TTC13: variants seen among roughly 807,000 people sequenced by gnomAD.
TTC13 encodes tetratricopeptide repeat domain 13.
TTC13 carries 62 observed loss-of-function variants against 120.0 expected under a neutral mutation model. The observed-to-expected ratio is 0.52, with a 90% CI of 0.42 to 0.64. The LOEUF is 0.64. TTC13 is among the 30% of genes least tolerant of loss of function. TTC13 has a pLI of 0.00. For synonymous variants in TTC13, 384 were observed against 393.5 expected, an observed-to-expected ratio of 0.98 and a Z score of 0.28; for missense variants, 824 against 1,050.2, an observed-to-expected ratio of 0.78 and a Z score of 2.98.
Position 230,906,795 on chromosome 1 carries a change from T to C in TTC13, c.*110A>G, listed in dbSNP as rs542111329. On this transcript the variant is annotated 3_prime_UTR_variant, in exon 23 of 23. Coordinates refer to ENST00000366661, the MANE Select transcript of TTC13 (RefSeq NM_024525.5). ...TTCAAGTATTCAATTCCTATAAAAA[T>C]TGGTATCAAAAGTAATAGAGGACCT... 13 of 437,550 alleles carry C rather than the reference T, an allele frequency of 3.0e-5. No individual in the cohort carries two copies. Among genetic ancestry groups the C allele is most frequent in the African/African-American group, 2.7e-4 (13 of 48,886 alleles). The allele number at this position is 437,550 out of a possible 1,614,324, so 27.1% of individuals were successfully genotyped here.
chr1:230,931,452 T>C lies in TTC13; in HGVS notation c.1146A>G (p.Pro382=). Residue 382 remains proline, a synonymous_variant, in exon 11 of 23, where the codon CCA becomes CCG. Transcript: ENST00000366661. ...KNFKRCLQLE[P]YNEVCQYMKG... is the part of the protein sequence containing the mutation. ...TCATATACTGGCACACTTCATTATA[T>C]GGCTCTAGCTGCAGACACCGCTGAG... The C allele has an allele frequency of 6.2e-7, 1 of 1,614,188 alleles. No homozygotes were observed. Among genetic ancestry groups the C allele is most frequent in the Non-Finnish European group, 8.5e-7 (1 of 1,180,042 alleles).
At chr1:230,971,066 C>A in intron 1 of TTC13, among the ~76,000 whole-genome samples, 1 of 152,124 alleles carries the variant, frequency 6.6e-6, no homozygotes, top group African/African-American at 2.4e-5. Context: ...CCACAGGTGG[C>A]CAGGCGCGGT....
intron 9 of TTC13, 123 bp from the exon 10 acceptor site, chr1:230,932,000 T>C: frequency 1.1e-6 from 1 of 943,668 alleles, no homozygotes; most frequent in South Asian, 1.7e-5. Context: ...GTTCCCTTTG[T>C]TGCTTTTTTA....
Position 230,924,887 on chromosome 1 carries a change from AC to A in TTC13, c.1674del (p.Leu559Ter). ...NSKVRMNGKT[R>X]LMQWRDMFDI... is the part of the protein sequence containing the mutation. ...TCAAACATGTCTCTCCACTGCATCA[AC>A]CGTGTCTTCCCATTCATTCGAACTT... On this transcript the variant is annotated frameshift_variant, in exon 14 of 23. Transcript: ENST00000366661. LOFTEE classifies it high-confidence loss of function. 6.2e-7 allele frequency: 1 copy of A among 1,614,202 alleles called. No individual in the cohort carries two copies. The highest frequency in any genetic ancestry group is 8.5e-7 in the Non-Finnish European group (1 of 1,180,048).
intron 1 of TTC13, among the ~76,000 whole-genome samples, chr1:230,964,626 A>G (rs116492672): frequency 0.018 from 2,813 of 152,358 alleles, 83 homozygotes; most frequent in African/African-American, 0.065. Context: ...CAGTTGTCCC[A>G]GCACCACTTG....
At chr1:230,937,090 T>A (rs952262677) in intron 8 of TTC13, among the ~76,000 whole-genome samples, 1 of 152,242 alleles carries the variant, frequency 6.6e-6, no homozygotes, top group South Asian at 2.1e-4. Flanking sequence ...AGGACTAGTT[T>A]GCTGAGGGGC....
Position 230,940,423 on chromosome 1 carries a change from A to T in TTC13, c.789+17T>A. The T allele has an allele frequency of 6.6e-7, 1 of 1,513,398 alleles. No homozygotes were observed. Among genetic ancestry groups the T allele is most frequent in the Non-Finnish European group, 9.1e-7 (1 of 1,095,966 alleles). The allele number at this position is 1,513,398 out of a possible 1,614,324, so 93.7% of individuals were successfully genotyped here. On this transcript the variant is annotated intron_variant, in intron 7 of 22. Coordinates refer to ENST00000366661, the MANE Select transcript of TTC13 (RefSeq NM_024525.5). This position sits in a 1 kb window ranked among gnomAD's most constrained non-coding sequence, Gnocchi z 4.1. ...TCTTCATCATCATAAAAATACTTCA[A>T]GACAAAAACCAGTCACCTCTGATAT...
At chr1:230,911,281 T>G (rs1671473360) in intron 20 of TTC13, 189 bp downstream of exon 20, 2 of 474,330 alleles carry the variant, frequency 4.2e-6, no homozygotes, top group Admixed American at 8.0e-5. Flanking sequence ...ATATTAGAAC[T>G]GTCTTCTATA....
intron 1 of TTC13, among the ~76,000 whole-genome samples, chr1:230,977,793 T>G (rs1017374478): frequency 8.1e-6 from 1 of 123,194 alleles, no homozygotes; most frequent in Non-Finnish European, 1.7e-5. Context: ...AACAAAAAAA[T>G]GTACACACGT....
chr1:230,952,724 A>G (rs1303936774), intron 4 of TTC13, among the ~76,000 whole-genome samples: 1 of 152,244 alleles, frequency 6.6e-6, no homozygotes, highest in African/African-American at 2.4e-5. Context: ...AGATTGTAGA[A>G]AAATACTGAT....
At chr1:230,945,552 TCTA>T in intron 4 of TTC13, 98 bp from the exon 5 acceptor site, 3 of 1,079,130 alleles carry the variant, frequency 2.8e-6, no homozygotes, top group Non-Finnish European at 4.3e-6. Context: ...AAGTGACAGC[TCTA>T]CTTCTTTATG....
chr1:230,909,782 G>A (rs1671310719), intron 20 of TTC13, among the ~76,000 whole-genome samples: 1 of 152,238 alleles, frequency 6.6e-6, no homozygotes, highest in Admixed American at 6.5e-5. Context: ...CAAGGTGGCT[G>A]TTAGAGGCCA....
At chr1:230,959,422 C>T (rs1676414254) in intron 2 of TTC13, among the ~76,000 whole-genome samples, 2 of 151,220 alleles carry the variant, frequency 1.3e-5, no homozygotes, top group South Asian at 2.1e-4. Flanking sequence ...TCTCTTTTTG[C>T]CCAGGCTTGA....
intron 1 of TTC13, among the ~76,000 whole-genome samples, chr1:230,971,455 A>G (rs1054097386): frequency 6.6e-6 from 1 of 152,164 alleles, no homozygotes; most frequent in African/African-American, 2.4e-5. Context: ...GTGTAATAAC[A>G]GGAAAAATGC....
At chr1:230,934,632 C>T (rs1385254196) in intron 8 of TTC13, among the ~76,000 whole-genome samples, 1 of 152,168 alleles carries the variant, frequency 6.6e-6, no homozygotes, top group East Asian at 1.9e-4. Flanking sequence ...CTTAAACCAA[C>T]ATTAAATGTA....
At chr1:230,945,357 C>T (rs778489359) in intron 5 of TTC13, 32 bp downstream of exon 5, 12 of 1,596,020 alleles carry the variant, frequency 7.5e-6, no homozygotes, top group African/African-American at 2.7e-5. Flanking sequence ...GTCATGTAGG[C>T]GCTATGGCAA....
intron 1 of TTC13, among the ~76,000 whole-genome samples, chr1:230,962,650 T>C (rs1676751994): frequency 6.6e-6 from 1 of 152,182 alleles, no homozygotes; most frequent in Non-Finnish European, 1.5e-5. Flanking sequence ...ATGTTCATAG[T>C]AGCGCTAATC....
chr1:230,937,388 A>G (rs1674164299), intron 8 of TTC13, among the ~76,000 whole-genome samples: 1 of 152,218 alleles, frequency 6.6e-6, no homozygotes, highest in Admixed American at 6.5e-5. Context: ...CTCCTCCATG[A>G]GATATCCAAG....
chr1:230,948,400 CAAAAAA>C (rs57051929), intron 4 of TTC13, among the ~76,000 whole-genome samples: 3 of 96,622 alleles, frequency 3.1e-5, no homozygotes, highest in Admixed American at 1.2e-4. Context: ...ACTCACAATA[CAAAAAA>C]AAAAAAAAAA....
Sources: gnomAD v4.1 joint callset for allele counts (sites outside exome capture counted in the v4.1 genomes callset) on GRCh38, gnomAD v4.1.1 for gene constraint, Gnocchi (gnomAD v3.1) non-coding constraint, MANE v1.5 for transcripts, NCBI Gene and HGNC (gene_info 2026-07-23, HGNC 2026-07-21) for gene names.